The following CCSER1 variants were observed in gnomAD, a reference collection of about 807,000 sequenced individuals.
The protein encoded by CCSER1 is serine-rich coiled-coil domain-containing protein 1.
CCSER1 carries 41 observed loss-of-function variants against 82.0 expected under a neutral mutation model. The ratio of observed to expected loss-of-function variants is 0.50; its 90% CI spans 0.39 to 0.65. The LOEUF (loss-of-function observed/expected upper bound fraction) is 0.65. Among genes scored for constraint, CCSER1 ranks in the 30% least tolerant of loss-of-function variants. The pLI is 0.00. For missense variants in CCSER1, 1,119 were observed against 1,064.2 expected, an observed-to-expected ratio of 1.05 and a Z score of -0.72; for synonymous variants, 414 against 383.9, an observed-to-expected ratio of 1.08 and a Z score of -0.92.
intron 10 of CCSER1, among the ~76,000 whole-genome samples, chr4:91,549,750 G>A (rs1395876841): frequency 6.6e-6 from 1 of 152,082 alleles, no homozygotes; most frequent in African/African-American, 2.4e-5. Flanking sequence ...CAGAAGGATC[G>A]CTTGAGCCTG....
intron 10 of CCSER1, among the ~76,000 whole-genome samples, chr4:91,294,526 G>A (rs1744011958): frequency 6.6e-6 from 1 of 151,722 alleles, no homozygotes; most frequent in South Asian, 2.1e-4. Flanking sequence ...ATTCTCTTCT[G>A]GAGGCCTGAA....
intron 3 of CCSER1, among the ~76,000 whole-genome samples, chr4:90,324,713 G>C (rs1327498729): frequency 2.6e-5 from 4 of 152,096 alleles, no homozygotes; most frequent in Admixed American, 2.6e-4. Flanking sequence ...TGTTGCCGTT[G>C]CTTTTGGTGT....
At chr4:90,509,803 AGC>A (rs1771221079) in intron 5 of CCSER1, among the ~76,000 whole-genome samples, 2 of 152,162 alleles carry the variant, frequency 1.3e-5, no homozygotes. Context: ...TGGGTGGGCT[AGC>A]ACATTGATTA....
chr4:91,226,074 A>G (rs1360672911), intron 10 of CCSER1, among the ~76,000 whole-genome samples: 3 of 152,026 alleles, frequency 2.0e-5, no homozygotes, highest in African/African-American at 7.2e-5. Flanking sequence ...TTACATATGT[A>G]TACAAGTGCG....
intron 5 of CCSER1, among the ~76,000 whole-genome samples, chr4:90,563,368 C>T (rs1779007884): frequency 6.7e-6 from 1 of 149,568 alleles, no homozygotes; most frequent in Non-Finnish European, 1.5e-5. Flanking sequence ...CCTCAGGCTC[C>T]CAAAGTGCTG....
chr4:90,455,447 G>T (rs1160169042), intron 4 of CCSER1, among the ~76,000 whole-genome samples: 1 of 152,178 alleles, frequency 6.6e-6, no homozygotes, highest in Non-Finnish European at 1.5e-5. Context: ...GAGTCTGAGG[G>T]TCAAAGGGGT....
At chr4:91,235,750 ATG>A (rs1266473329) in intron 10 of CCSER1, among the ~76,000 whole-genome samples, 1 of 152,100 alleles carries the variant, frequency 6.6e-6, no homozygotes, top group Non-Finnish European at 1.5e-5. Flanking sequence ...TTCTGTGTGA[ATG>A]TGTGTTCATT....
chr4:91,457,252 TA>T (rs1756231512), intron 10 of CCSER1, among the ~76,000 whole-genome samples: 1 of 152,202 alleles, frequency 6.6e-6, no homozygotes, highest in African/African-American at 2.4e-5. Flanking sequence ...TACTATAGTT[TA>T]TTTTGCCTGA....
At chr4:90,226,529 C>G (rs1458211385) in intron 1 of CCSER1, among the ~76,000 whole-genome samples, 3 of 152,176 alleles carry the variant, frequency 2.0e-5, no homozygotes, top group Non-Finnish European at 4.4e-5. Context: ...TTCATATCAA[C>G]TATCAGAAGG....
chr4:91,362,750 T>A (rs955501163), intron 10 of CCSER1, among the ~76,000 whole-genome samples: 6 of 151,776 alleles, frequency 4.0e-5, no homozygotes, highest in Non-Finnish European at 8.8e-5. Flanking sequence ...GTAGGTAAAA[T>A]CTGATTCTCT....
At chr4:91,012,527 T>G (rs1345470680) in intron 9 of CCSER1, among the ~76,000 whole-genome samples, 1 of 146,698 alleles carries the variant, frequency 6.8e-6, no homozygotes, top group Non-Finnish European at 1.5e-5. Context: ...GGAGGGTGGG[T>G]GAAGTACCTC....
At chr4:90,375,345 G>A (rs543263800) in intron 3 of CCSER1, among the ~76,000 whole-genome samples, 1 of 152,262 alleles carries the variant, frequency 6.6e-6, no homozygotes, top group East Asian at 1.9e-4. Context: ...GACAGAGCTA[G>A]GCATGAGTTG....
chr4:90,519,421 G>A (rs957959450), intron 5 of CCSER1, among the ~76,000 whole-genome samples: 1 of 151,814 alleles, frequency 6.6e-6, no homozygotes, highest in Non-Finnish European at 1.5e-5. Context: ...TGATCTAGCT[G>A]ATACAGTTGA....
intron 10 of CCSER1, among the ~76,000 whole-genome samples, chr4:91,225,065 G>A (rs1008238891): frequency 2.0e-5 from 3 of 148,682 alleles, no homozygotes; most frequent in African/African-American, 4.9e-5. Context: ...TATAAAAATA[G>A]CAATGTTTTA....
intron 3 of CCSER1, among the ~76,000 whole-genome samples, chr4:90,365,099 T>A (rs75077704): frequency 0.19 from 29,442 of 151,636 alleles, 3,374 homozygotes; most frequent in South Asian, 0.34. Flanking sequence ...GTATTGCATA[T>A]ATTTTTGAGG....
intron 10 of CCSER1, among the ~76,000 whole-genome samples, chr4:91,508,853 G>A (rs1759671484): frequency 6.6e-6 from 1 of 151,466 alleles, no homozygotes. Flanking sequence ...GTCCATTTTA[G>A]CTATATTACC....
chr4:90,618,660 C>T (rs2148865024), intron 5 of CCSER1, among the ~76,000 whole-genome samples: 1 of 151,738 alleles, frequency 6.6e-6, no homozygotes, highest in East Asian at 1.9e-4. Flanking sequence ...TTTTGTGGCT[C>T]ATTATTCTGA....
intron 9 of CCSER1, among the ~76,000 whole-genome samples, chr4:90,963,265 G>A (rs1016536395): frequency 3.9e-5 from 6 of 152,056 alleles, no homozygotes; most frequent in South Asian, 2.1e-4. Context: ...TTGAATCTCC[G>A]AGGATGTGAT....
chr4:90,456,950 T>C (rs1185324559), intron 4 of CCSER1, among the ~76,000 whole-genome samples: 1 of 152,158 alleles, frequency 6.6e-6, no homozygotes, highest in Admixed American at 6.5e-5. Flanking sequence ...CTTGATTTGC[T>C]CACTTGGCCT....
Sources: allele counts gnomAD v4.1 joint callset (sites outside exome capture counted in the v4.1 genomes callset), GRCh38; gene constraint gnomAD v4.1.1; transcripts MANE v1.5; gene names NCBI Gene and HGNC (gene_info 2026-07-23, HGNC 2026-07-21).